Variants in DCDC2 observed in about 807,000 individuals in gnomAD.
DCDC2 encodes the protein doublecortin domain-containing protein 2.
A neutral mutation model predicts 50.2 loss-of-function variants in DCDC2; 40 were observed. The ratio of observed to expected loss-of-function variants is 0.80; its 90% CI spans 0.62 to 1.04. The LOEUF (loss-of-function observed/expected upper bound fraction) is 1.04. Ranked by LOEUF, DCDC2 falls within the 50% of genes least tolerant of loss-of-function variation. DCDC2 has a pLI of 0.00. For synonymous variants in DCDC2, 234 were observed against 210.6 expected (o/e 1.11, Z -0.96); for missense variants, 570 against 581.9 (o/e 0.98, Z 0.21).
chr6:24,255,129 G>C (rs1178251884), intron 7 of DCDC2, among the ~76,000 whole-genome samples: 1 of 152,036 alleles, frequency 6.6e-6, no homozygotes, highest in Admixed American at 6.6e-5. Context: ...CAGACCAAGG[G>C]AAAGGTATAG....
chr6:24,358,039 G>C lies in DCDC2; in HGVS notation c.-289C>G. The stretch of plus-strand genomic sequence containing the variant: ...ACACCAGGTTCACCTGCTACGGGCA[G>C]AATCAAGGTGGACAGCTTCTGAGCA... On this transcript the variant is annotated 5_prime_UTR_variant, in exon 1 of 10. Coordinates refer to ENST00000378454, the MANE Select transcript of DCDC2 (RefSeq NM_016356.5). 1 of 1,141,722 alleles carries C rather than the reference G, an allele frequency of 8.8e-7. No individual in the cohort carries two copies. The highest frequency in any genetic ancestry group is 1.2e-6 in the Non-Finnish European group (1 of 825,170). The allele number at this position is 1,141,722 out of a possible 1,614,324, so 70.7% of individuals were successfully genotyped here. A position where few individuals can be genotyped will look rare whatever the true frequency, so the allele number is the denominator to read the frequency against.
upstream of DCDC2, among the ~76,000 whole-genome samples, chr6:24,361,019 A>G (rs1294438754): frequency 6.6e-6 from 1 of 152,216 alleles, no homozygotes; most frequent in East Asian, 1.9e-4. Context: ...CTCCATAACC[A>G]GTCATATCAC....
At chr6:24,325,332 A>T (rs1759838285) in intron 2 of DCDC2, among the ~76,000 whole-genome samples, 1 of 149,764 alleles carries the variant, frequency 6.7e-6, no homozygotes, top group African/African-American at 2.4e-5. Flanking sequence ...ATCAGCATGG[A>T]ATGTAAGTTA....
intron 7 of DCDC2, among the ~76,000 whole-genome samples, chr6:24,223,963 C>T (rs1762170850): frequency 6.6e-6 from 1 of 152,196 alleles, no homozygotes; most frequent in African/African-American, 2.4e-5. Flanking sequence ...TTTCTAATGA[C>T]CTTGACCTCA....
chr6:24,311,001 C>A (rs1288836776), intron 2 of DCDC2, among the ~76,000 whole-genome samples: 1 of 152,148 alleles, frequency 6.6e-6, no homozygotes, highest in East Asian at 1.9e-4. Context: ...AGGATTCCTG[C>A]CTCTAGCATC....
At chr6:24,343,534 A>C (rs946117163) in intron 2 of DCDC2, among the ~76,000 whole-genome samples, 1 of 152,352 alleles carries the variant, frequency 6.6e-6, no homozygotes, top group South Asian at 2.1e-4. Flanking sequence ...AAACTCAATA[A>C]GCTCATTCTA....
At chr6:24,347,482 A>G (rs1760286583) in intron 2 of DCDC2, among the ~76,000 whole-genome samples, 2 of 152,238 alleles carry the variant, frequency 1.3e-5, no homozygotes. Context: ...AAAACTCAAC[A>G]TTTAAAAATG....
intron 2 of DCDC2, among the ~76,000 whole-genome samples, chr6:24,337,023 C>T (rs2127244530): frequency 6.6e-6 from 1 of 152,278 alleles, no homozygotes; most frequent in South Asian, 2.1e-4. Context: ...AGAAAAGTAG[C>T]TTGTCTCCAA....
upstream of DCDC2, among the ~76,000 whole-genome samples, chr6:24,361,831 C>T (rs1307028653): frequency 6.6e-6 from 1 of 152,174 alleles, no homozygotes; most frequent in African/African-American, 2.4e-5. Context: ...TCTATGCCTC[C>T]CACTGCGGTA....
rs1042295464 is a variant in DCDC2 at position 24,351,316 on chromosome 6, C to G, written c.348+2253G>C. ...ATGTGAAGTGAGGGAAGTGAACACA[C>G]TGCTTGTCCAGACCTGGAGGAAACT... On this transcript the variant is annotated intron_variant, in intron 2 of 9. Transcript: ENST00000378454. Among the ~76,000 whole-genome samples, 37 of 152,288 alleles carry G rather than the reference C, an allele frequency of 2.4e-4. 1 individual carries two copies. Among genetic ancestry groups the G allele is most frequent in the African/African-American group, 8.2e-4 (34 of 41,560 alleles).
chr6:24,303,376 T>C (rs368371229), intron 2 of DCDC2, among the ~76,000 whole-genome samples: 223 of 152,206 alleles, frequency 1.5e-3, no homozygotes, highest in African/African-American at 5.0e-3. Flanking sequence ...CGTCACGCAC[T>C]GTAGTTGAAC....
intron 7 of DCDC2, among the ~76,000 whole-genome samples, chr6:24,241,621 T>C (rs1451105145): frequency 2.0e-5 from 3 of 152,220 alleles, no homozygotes; most frequent in Non-Finnish European, 2.9e-5. Flanking sequence ...TCCATATTCA[T>C]GAAAAGTTTA....
chr6:24,357,780 T>C lies in DCDC2; in HGVS notation c.-30A>G. 15 of 1,611,988 alleles carry C rather than the reference T, an allele frequency of 9.3e-6. No individual in the cohort carries two copies. The highest frequency in any genetic ancestry group is 3.3e-5 in the South Asian group (3 of 90,998). On this transcript the variant is annotated 5_prime_UTR_variant, in exon 1 of 10. Coordinates refer to ENST00000378454, the MANE Select transcript of DCDC2 (RefSeq NM_016356.5). ...CCCGCTGGCCGCCGCCTCAGCTCGC[T>C]GCTTCGCGTCGGGAGGCACCTCCGC...
chr6:24,358,047 G>A lies in DCDC2; in HGVS notation c.-297C>T, dbSNP rs1760515478. ...TTCACCTGCTACGGGCAGAATCAAGGTGGACAGCTTCTGAGCAGGAGCCGG... is the reference window on the plus strand; with the variant it reads ...TTCACCTGCTACGGGCAGAATCAAGATGGACAGCTTCTGAGCAGGAGCCGG... On this transcript the variant is annotated 5_prime_UTR_variant, in exon 1 of 10. Transcript: ENST00000378454. 1.8e-6 allele frequency: 2 copies of A among 1,102,290 alleles called. No individual in the cohort carries two copies. Among genetic ancestry groups the A allele is most frequent in the African/African-American group, 1.6e-5 (1 of 63,108 alleles). 68.3% of individuals were successfully genotyped at this position (1,102,290 alleles called of 1,614,324 possible).
At chr6:24,364,530 T>C in the DCDC2 span, among the ~76,000 whole-genome samples, 1 of 152,224 alleles carries the variant, frequency 6.6e-6, no homozygotes, top group Non-Finnish European at 1.5e-5. Context: ...TGTTTATATG[T>C]ATAAATTCCC....
Position 24,357,897 on chromosome 6 carries a change from G to T in DCDC2, c.-147C>A. ...ATCCACAGGTGAAAGAGAAGTAACG[G>T]CCGTGCGCCTAGGCGTCCACCCAGA... On this transcript the variant is annotated 5_prime_UTR_variant, in exon 1 of 10. Coordinates refer to ENST00000378454, the MANE Select transcript of DCDC2 (RefSeq NM_016356.5). The T allele has an allele frequency of 1.3e-6, 2 of 1,542,588 alleles. No individual in the cohort carries two copies. Among genetic ancestry groups the T allele is most frequent in the Non-Finnish European group, 1.7e-6 (2 of 1,144,746 alleles).
At chr6:24,329,553 A>G (rs1759930899) in intron 2 of DCDC2, among the ~76,000 whole-genome samples, 1 of 152,232 alleles carries the variant, frequency 6.6e-6, no homozygotes, top group African/African-American at 2.4e-5. Flanking sequence ...GCAGACAGGC[A>G]ACTTGGGCAA....
chr6:24,332,821 G>A (rs1021647643), intron 2 of DCDC2, among the ~76,000 whole-genome samples: 2 of 152,056 alleles, frequency 1.3e-5, no homozygotes, highest in Non-Finnish European at 2.9e-5. Context: ...ACATATTTCT[G>A]TGCACAAGAC....
intron 2 of DCDC2, among the ~76,000 whole-genome samples, chr6:24,312,980 T>C (rs1759600209): frequency 6.6e-6 from 1 of 152,216 alleles, no homozygotes; most frequent in Admixed American, 6.5e-5. Context: ...TAAATGTTTA[T>C]ATTCCTAAGT....
Sources: gnomAD v4.1 joint callset for allele counts (sites outside exome capture counted in the v4.1 genomes callset) on GRCh38, gnomAD v4.1.1 for gene constraint, MANE v1.5 for transcripts, NCBI Gene and HGNC (gene_info 2026-07-23, HGNC 2026-07-21) for gene names.